The following TMPRSS4 variants were observed in gnomAD, a reference collection of about 807,000 sequenced individuals.
The protein encoded by TMPRSS4 is transmembrane serine protease 4.
TMPRSS4 carries 45 observed loss-of-function variants against 56.4 expected under a neutral mutation model. That is an observed-to-expected ratio of 0.80 (90% CI 0.63 to 1.02). The LOEUF is 1.02. Among genes scored for constraint, TMPRSS4 ranks in the 50% least tolerant of loss-of-function variants. The probability of loss-of-function intolerance (pLI) is 0.00; values close to 1 mark genes in which losing one functional copy is unlikely to be tolerated. For synonymous variants in TMPRSS4, 205 were observed against 211.0 expected (o/e 0.97, Z 0.25); for missense variants, 546 against 556.7 (o/e 0.98, Z 0.19).
At chr11:118,082,863 A>G (rs1945253590) in intron 1 of TMPRSS4, among the ~76,000 whole-genome samples, 1 of 152,230 alleles carries the variant, frequency 6.6e-6, no homozygotes, top group African/African-American at 2.4e-5. Context: ...CTTCAGAATC[A>G]CAGACCCTAA....
chr11:118,123,009 C>G (rs1454008462), downstream of TMPRSS4, among the ~76,000 whole-genome samples: 1 of 152,256 alleles, frequency 6.6e-6, no homozygotes, highest in South Asian at 2.1e-4. Flanking sequence ...TCACCAGACA[C>G]CGAATCTGCT....
chr11:118,099,481 A>AAAAAAGAAAG (rs1555085857), intron 3 of TMPRSS4, among the ~76,000 whole-genome samples: 1 of 141,812 alleles, frequency 7.1e-6, no homozygotes, highest in East Asian at 2.1e-4. Flanking sequence ...GAAAGAAAGA[A>AAAAAAGAAAG]AAAGAAAGAA....
intron 1 of TMPRSS4, among the ~76,000 whole-genome samples, chr11:118,090,987 A>G (rs1470013272): frequency 6.6e-6 from 1 of 152,184 alleles, no homozygotes. Context: ...TAAATTAACA[A>G]TAAACAAAAG....
intron 1 of TMPRSS4, among the ~76,000 whole-genome samples, chr11:118,081,107 G>T (rs1427580849): frequency 1.3e-5 from 2 of 152,238 alleles, no homozygotes; most frequent in Non-Finnish European, 2.9e-5. Context: ...AAATGTGAAT[G>T]AATGAATGAG....
intron 7 of TMPRSS4, 128 bp from the exon 8 acceptor site, chr11:118,111,613 G>A: frequency 3.1e-6 from 2 of 647,184 alleles, no homozygotes; most frequent in South Asian, 2.5e-5. Context: ...ATATTGGGCT[G>A]GTCCTCTCTC....
intron 1 of TMPRSS4, among the ~76,000 whole-genome samples, chr11:118,080,096 C>T (rs1239809621): frequency 2.0e-5 from 3 of 152,186 alleles, no homozygotes; most frequent in Admixed American, 6.5e-5. Context: ...ATTGGGAGGA[C>T]CCAATACCTA....
chr11:118,106,035 C>T (rs1377526351), intron 5 of TMPRSS4: 2 of 152,320 alleles, frequency 1.3e-5, no homozygotes, highest in African/African-American at 2.4e-5. Context: ...GTGAGGAACT[C>T]ATGCCCAGCA....
rs1460262278 is a variant in TMPRSS4, at chr11:118,118,583, T to A, written c.*670T>A. On this transcript the variant is annotated 3_prime_UTR_variant, in exon 13 of 13. Transcript: ENST00000437212. ...AAAGTAGAGGCAGGGGAAAAAAGAGTTAGGGAGACCAGATCTGCTGAGTGG... is the reference window on the plus strand; with the variant it reads ...AAAGTAGAGGCAGGGGAAAAAAGAGATAGGGAGACCAGATCTGCTGAGTGG... The A allele has an allele frequency of 2.2e-5, 22 of 985,078 alleles. No homozygotes were observed. Among genetic ancestry groups the A allele is most frequent in the Non-Finnish European group, 2.7e-5 (22 of 829,850 alleles). The allele number at this position is 985,078 out of a possible 1,614,324, so 61.0% of individuals were successfully genotyped here. A position where few individuals can be genotyped will look rare whatever the true frequency, so the allele number is the denominator to read the frequency against.
chr11:118,094,789 T>C, intron 1 of TMPRSS4, 27 bp from the exon 2 acceptor site: 2 of 1,605,574 alleles, frequency 1.2e-6, no homozygotes, highest in South Asian at 1.1e-5. Flanking sequence ...GCTCCCTGCC[T>C]CAACTCACTG....
chr11:118,091,812 C>T (rs1053767649), intron 1 of TMPRSS4, among the ~76,000 whole-genome samples: 1 of 152,170 alleles, frequency 6.6e-6, no homozygotes, highest in Non-Finnish European at 1.5e-5. Flanking sequence ...TTACTGTTGA[C>T]GTTATCCTAA....
intron 5 of TMPRSS4, chr11:118,107,536 G>C: frequency 2.7e-6 from 1 of 377,204 alleles, no homozygotes; most frequent in Non-Finnish European, 4.8e-6. Context: ...CCCCACCCAA[G>C]AAAGCAAGTT....
At chr11:118,099,968 G>A (rs552448851) in intron 3 of TMPRSS4, among the ~76,000 whole-genome samples, 2 of 152,220 alleles carry the variant, frequency 1.3e-5, no homozygotes, top group East Asian at 3.9e-4. Flanking sequence ...ATCCTATGAT[G>A]GAGTCGTTGC....
chr11:118,115,845 T>A (rs1947524270), intron 11 of TMPRSS4, among the ~76,000 whole-genome samples: 1 of 151,998 alleles, frequency 6.6e-6, no homozygotes, highest in South Asian at 2.1e-4. Context: ...ACAACAAAGA[T>A]GACATTACTC....
At chr11:118,089,048 T>G (rs1226644352) in intron 1 of TMPRSS4, among the ~76,000 whole-genome samples, 1 of 152,178 alleles carries the variant, frequency 6.6e-6, no homozygotes, top group African/African-American at 2.4e-5. Flanking sequence ...TCAGGATTGT[T>G]GCTTCTGGGC....
intron 2 of TMPRSS4, among the ~76,000 whole-genome samples, chr11:118,097,033 A>AAAATGAAAG (rs1946433282): frequency 7.0e-5 from 1 of 14,352 alleles, no homozygotes; most frequent in East Asian, 7.2e-4. Context: ...AGAAAGAAAG[A>AAAATGAAAG]AAAGGAAAGA....
At chr11:118,096,678 T>G (rs896200366) in intron 2 of TMPRSS4, among the ~76,000 whole-genome samples, 3 of 151,360 alleles carry the variant, frequency 2.0e-5, no homozygotes, top group South Asian at 4.2e-4. Context: ...CCCAGCTACT[T>G]GGGAGGATAA....
chr11:118,117,813 C>T, intron 12 of TMPRSS4, 89 bp from the exon 13 acceptor site: 1 of 1,612,456 alleles, frequency 6.2e-7, no homozygotes, highest in East Asian at 2.2e-5. Context: ...CAAAGTGTTT[C>T]AGAAAAGGAA....
Position 118,111,779 on chromosome 11 carries a change from G to A in TMPRSS4, c.622G>A (p.Val208Met). The part of the protein sequence containing the change: ...KSLKTPRVVG[V>M]EEASVDSWPW... ...CCTGAAGACCCCCCGTGTGGTGGGT[G>A]TGGAGGAGGCCTCTGTGGATTCTTG... Residue 208 changes from valine (V) to methionine (M), a missense_variant, in exon 8 of 13, where the codon GTG (valine) becomes ATG (methionine). By Grantham distance (21) the Val-to-Met change is conservative. Transcript: ENST00000437212. 15 of 1,601,842 alleles carry A rather than the reference G, an allele frequency of 9.4e-6. No individual in the cohort carries two copies. The highest frequency in any genetic ancestry group is 1.2e-5 in the Non-Finnish European group (14 of 1,174,590).
intron 1 of TMPRSS4, among the ~76,000 whole-genome samples, chr11:118,087,284 T>A (rs940910092): frequency 6.6e-6 from 1 of 152,166 alleles, no homozygotes; most frequent in African/African-American, 2.4e-5. Flanking sequence ...CAAGTCAGCA[T>A]TGCAGAGAGG....
Sources: allele counts gnomAD v4.1 joint callset (sites outside exome capture counted in the v4.1 genomes callset), GRCh38; gene constraint gnomAD v4.1.1; transcripts MANE v1.5; gene names NCBI Gene and HGNC (gene_info 2026-07-23, HGNC 2026-07-21).